The following CHN1 variants were observed in gnomAD, a reference collection of about 807,000 sequenced individuals.
CHN1 encodes the protein chimerin 1.
In CHN1, 37 loss-of-function variants were observed where a neutral mutation model predicts 59.5. The ratio of observed to expected loss-of-function variants is 0.62; its 90% CI spans 0.48 to 0.82. CHN1 has a LOEUF of 0.82. Among genes scored for constraint, CHN1 ranks in the 40% least tolerant of loss-of-function variants. The pLI, the probability that CHN1 is intolerant of heterozygous loss-of-function variation, is 0.00. For missense variants in CHN1, 469 were observed against 571.0 expected (o/e 0.82, Z 1.82); for synonymous variants, 206 against 200.4 (o/e 1.03, Z -0.24).
chr2:174,864,820 G>A (rs920421215), intron 6 of CHN1, among the ~76,000 whole-genome samples: 7 of 152,064 alleles, frequency 4.6e-5, no homozygotes, highest in Non-Finnish European at 7.4e-5. Flanking sequence ...AGCCAAGGTC[G>A]CACTACTGTA....
chr2:174,856,853 G>T (rs944299809), intron 6 of CHN1, among the ~76,000 whole-genome samples: 1 of 152,104 alleles, frequency 6.6e-6, no homozygotes, highest in Non-Finnish European at 1.5e-5. Flanking sequence ...TGAGGGAAAG[G>T]CCTGCTGGCT....
At chr2:174,882,424 C>T (rs1687764949) in intron 5 of CHN1, among the ~76,000 whole-genome samples, 1 of 152,080 alleles carries the variant, frequency 6.6e-6, no homozygotes, top group Admixed American at 6.6e-5. Flanking sequence ...TTCTATTTTT[C>T]AGCAAATAAA....
At chr2:174,905,315 C>G (rs1451743593) in intron 5 of CHN1, among the ~76,000 whole-genome samples, 1 of 152,154 alleles carries the variant, frequency 6.6e-6, no homozygotes, top group African/African-American at 2.4e-5. Context: ...CAGTCATCCT[C>G]TTTATGTACA....
intron 3 of CHN1, among the ~76,000 whole-genome samples, chr2:174,925,950 T>C (rs1031182878): frequency 1.3e-5 from 2 of 152,234 alleles, no homozygotes; most frequent in Non-Finnish European, 2.9e-5. Flanking sequence ...AATGAATTTT[T>C]AAATATTTTA....
chr2:174,869,194 T>C (rs1209855898), intron 6 of CHN1, among the ~76,000 whole-genome samples: 1 of 152,188 alleles, frequency 6.6e-6, no homozygotes, highest in African/African-American at 2.4e-5. Context: ...CATTTATTAC[T>C]GATTAAAAGG....
intron 3 of CHN1, among the ~76,000 whole-genome samples, chr2:174,938,405 A>C (rs1689561632): frequency 6.6e-6 from 1 of 152,204 alleles, no homozygotes; most frequent in African/African-American, 2.4e-5. Context: ...TAATAGAATA[A>C]GCAAACCATT....
intron 7 of CHN1, among the ~76,000 whole-genome samples, chr2:174,825,100 G>A (rs1016391714): frequency 6.6e-6 from 1 of 152,170 alleles, no homozygotes; most frequent in Admixed American, 6.5e-5. Flanking sequence ...CTCAGGTGCA[G>A]GCACCCTAAT....
chr2:174,884,255 GC>G (rs1687827266), intron 5 of CHN1, among the ~76,000 whole-genome samples: 1 of 151,996 alleles, frequency 6.6e-6, no homozygotes, highest in Non-Finnish European at 1.5e-5. Flanking sequence ...ACAGGCGTGA[GC>G]CACCGAGCCC....
At chr2:174,849,891 G>C (rs1574087235) in intron 6 of CHN1, among the ~76,000 whole-genome samples, 1 of 152,208 alleles carries the variant, frequency 6.6e-6, no homozygotes, top group African/African-American at 2.4e-5. Flanking sequence ...GTGAGAAAAT[G>C]AGAGGAAACC....
intron 5 of CHN1, among the ~76,000 whole-genome samples, chr2:174,910,170 T>G (rs1688649630): frequency 6.6e-6 from 1 of 152,246 alleles, no homozygotes; most frequent in Admixed American, 6.5e-5. Flanking sequence ...GTTAACATTT[T>G]AAATGTTTCT....
intron 5 of CHN1, among the ~76,000 whole-genome samples, chr2:174,904,807 T>C (rs1422792716): frequency 1.3e-5 from 2 of 152,348 alleles, no homozygotes; most frequent in South Asian, 4.1e-4. Context: ...CACATGGTCT[T>C]ATTTTATAGA....
intron 1 of CHN1, among the ~76,000 whole-genome samples, chr2:174,955,436 T>A (rs1364408736): frequency 6.6e-6 from 1 of 151,728 alleles, no homozygotes; most frequent in Non-Finnish European, 1.5e-5. Context: ...AGTTAAGCTA[T>A]GAGGACACAA....
chr2:174,800,375 A>T (rs1165341632), intron 12 of CHN1, 88 bp from the exon 13 acceptor site: 1 of 1,091,760 alleles, frequency 9.2e-7, no homozygotes, highest in Non-Finnish European at 1.2e-6. Flanking sequence ...AAGATTCACA[A>T]TAAAAGTTTG....
At chr2:174,994,502 A>G (rs1030491656) in intron 1 of CHN1, among the ~76,000 whole-genome samples, 2 of 152,242 alleles carry the variant, frequency 1.3e-5, no homozygotes, top group African/African-American at 4.8e-5. Context: ...CAAAGAAAAA[A>G]ACCTATAGCT....
At chr2:174,864,059 G>A (rs749041559) in intron 6 of CHN1, among the ~76,000 whole-genome samples, 3 of 152,066 alleles carry the variant, frequency 2.0e-5, no homozygotes, top group Non-Finnish European at 4.4e-5. Flanking sequence ...CTTCTTCTGA[G>A]AGATAACATA....
chr2:174,818,301 G>A (rs1271406284), intron 8 of CHN1, among the ~76,000 whole-genome samples: 2 of 152,170 alleles, frequency 1.3e-5, no homozygotes, highest in Non-Finnish European at 2.9e-5. Flanking sequence ...TGGCAGGACT[G>A]GATATGAAGT....
chr2:174,832,942 G>A (rs1263738068), intron 7 of CHN1, among the ~76,000 whole-genome samples: 2 of 152,066 alleles, frequency 1.3e-5, no homozygotes, highest in Admixed American at 1.3e-4. Flanking sequence ...AAAAGACAGG[G>A]TAAAAATAAG....
At chr2:174,986,156 G>C (rs560870695) in intron 1 of CHN1, among the ~76,000 whole-genome samples, 1 of 152,084 alleles carries the variant, frequency 6.6e-6, no homozygotes, top group African/African-American at 2.4e-5. Flanking sequence ...ATGCCACAGA[G>C]ATATATTATG....
intron 6 of CHN1, among the ~76,000 whole-genome samples, chr2:174,856,337 T>G (rs145202978): frequency 1.3e-5 from 2 of 152,252 alleles, no homozygotes; most frequent in Non-Finnish European, 2.9e-5. Context: ...TAACATAATA[T>G]CCATCTAAAC....
Sources: allele counts gnomAD v4.1 joint callset (sites outside exome capture counted in the v4.1 genomes callset), GRCh38; gene constraint gnomAD v4.1.1; transcripts MANE v1.5; gene names NCBI Gene and HGNC (gene_info 2026-07-23, HGNC 2026-07-21).